Variants in CFAP54 observed in about 807,000 individuals in gnomAD.
CFAP54 encodes cilia- and flagella-associated protein 54.
Under a neutral mutation model 370.4 loss-of-function variants are expected in CFAP54, and 290 were observed. The ratio of observed to expected loss-of-function variants is 0.78; its 90% CI spans 0.71 to 0.86. CFAP54 has a LOEUF of 0.86. CFAP54 is among the 40% of genes least tolerant of loss of function. The pLI, the probability that CFAP54 is intolerant of heterozygous loss-of-function variation, is 0.00. For synonymous variants in CFAP54, 1,206 were observed against 1,236.5 expected (o/e 0.98, Z 0.52); for missense variants, 3,399 against 3,528.7 (o/e 0.96, Z 0.93).
chr12:96,724,833 A>G lies in CFAP54; in HGVS notation c.6965+4268A>G, dbSNP rs1957809792. On this transcript the variant is annotated intron_variant, in intron 50 of 67. Transcript: ENST00000524981. ...GGTCTAACGTTTAAGTCTTTAATCC[A>G]TCTTGAATTAATTTTTGTATAAGGT... Among the ~76,000 whole-genome samples, 3 of 152,152 alleles carry G rather than the reference A, an allele frequency of 2.0e-5. No individual in the cohort carries two copies. The South Asian group carries it at 6.2e-4, about 32-fold the overall frequency.
intron 15 of CFAP54, among the ~76,000 whole-genome samples, chr12:96,550,651 A>AC (rs1456413363): frequency 1.3e-5 from 2 of 152,244 alleles, no homozygotes; most frequent in African/African-American, 4.8e-5. Flanking sequence ...GATGAGCTGA[A>AC]CATCCTCCTG....
intron 1 of CFAP54, among the ~76,000 whole-genome samples, chr12:96,490,548 T>C (rs1275557173): frequency 1.3e-5 from 2 of 152,032 alleles, no homozygotes; most frequent in Non-Finnish European, 2.9e-5. Context: ...GAAAATTAGC[T>C]GGGCATGGTG....
rs137930927 is a variant in CFAP54, at chr12:96,634,390, T to C, written c.4316+3739T>C. Among the ~76,000 whole-genome samples the C allele has an allele frequency of 2.8e-3, 433 of 152,278 alleles. 1 individual carries two copies. The highest frequency in any genetic ancestry group is 4.1e-3 in the Non-Finnish European group (276 of 68,020). On this transcript the variant is annotated intron_variant, in intron 32 of 67. Coordinates refer to ENST00000524981, the MANE Select transcript of CFAP54 (RefSeq NM_001306084.2). ...TATATGCTTACTTGCCATCTGTATA[T>C]CCTCTTTAGTGAAATATCTGTTTAT... is the stretch of plus-strand genomic sequence containing the variant.
chr12:96,837,227 G>A (rs1959189045), intron 66 of CFAP54, among the ~76,000 whole-genome samples: 1 of 152,114 alleles, frequency 6.6e-6, no homozygotes, highest in African/African-American at 2.4e-5. Flanking sequence ...TTAGGCATTT[G>A]CACCTTTAAT....
At chr12:96,627,134 A>T (rs1057364452) in intron 30 of CFAP54, among the ~76,000 whole-genome samples, 195 bp downstream of exon 30, 6 of 152,214 alleles carry the variant, frequency 3.9e-5, no homozygotes, top group African/African-American at 1.4e-4. Flanking sequence ...ATGTACTCAC[A>T]AATGAGAATA....
intron 23 of CFAP54, among the ~76,000 whole-genome samples, chr12:96,590,997 T>C (rs188193187): frequency 6.6e-6 from 1 of 152,152 alleles, no homozygotes. Flanking sequence ...GAAACGACTG[T>C]TTAACAGAAA....
chr12:96,743,661 T>G (rs1396885050), intron 53 of CFAP54, 70 bp from the exon 54 acceptor site: 7 of 1,560,058 alleles, frequency 4.5e-6, no homozygotes, highest in Admixed American at 1.8e-5. Flanking sequence ...GCATAACAAT[T>G]AACATGTCCA....
rs148305473 is a variant in CFAP54, at chr12:96,682,203, G to A, written c.5717-2445G>A. 129 of 985,640 alleles carry A rather than the reference G, an allele frequency of 1.3e-4. No individual in the cohort carries two copies. In the African/African-American group the frequency reaches 2.2e-3, roughly 17 times the overall value. The allele number at this position is 985,640 out of a possible 1,614,324, so 61.1% of individuals were successfully genotyped here. On this transcript the variant is annotated intron_variant, in intron 40 of 67. Coordinates refer to ENST00000524981, the MANE Select transcript of CFAP54 (RefSeq NM_001306084.2). The stretch of plus-strand genomic sequence containing the variant: ...CTGGAAAGGTGGAATTTTGCCTGGG[G>A]ACAGAGGAGATGCATATGTCAATAC...
At chr12:96,823,417 C>G (rs549091235) in intron 65 of CFAP54, among the ~76,000 whole-genome samples, 2 of 152,236 alleles carry the variant, frequency 1.3e-5, no homozygotes, top group East Asian at 3.9e-4. Context: ...TGTGAAACTT[C>G]TAGTTGGAGA....
intron 65 of CFAP54, among the ~76,000 whole-genome samples, chr12:96,824,547 A>G (rs1429495603): frequency 6.6e-6 from 1 of 152,128 alleles, no homozygotes; most frequent in Admixed American, 6.5e-5. Flanking sequence ...AAATACAGAT[A>G]AATAAGGGGT....
intron 47 of CFAP54, 58 bp downstream of exon 47, chr12:96,704,854 C>A: frequency 3.3e-6 from 2 of 603,790 alleles, no homozygotes; most frequent in Admixed American, 3.4e-5. Context: ...ATTTTTGAGT[C>A]ATTCTAATCT....
chr12:96,851,586 G>T (rs1959548782), intron 66 of CFAP54, among the ~76,000 whole-genome samples: 1 of 151,912 alleles, frequency 6.6e-6, no homozygotes, highest in Non-Finnish European at 1.5e-5. Context: ...AGAACTAAGA[G>T]AATCTGATAA....
chr12:96,520,623 A>G (rs925650563), intron 6 of CFAP54, among the ~76,000 whole-genome samples: 18 of 152,170 alleles, frequency 1.2e-4, no homozygotes, highest in African/African-American at 4.3e-4. Flanking sequence ...ACATTATGTG[A>G]CACCTGGCTT....
intron 25 of CFAP54, among the ~76,000 whole-genome samples, chr12:96,594,791 TG>T (rs920067580): frequency 4.6e-5 from 7 of 152,260 alleles, no homozygotes; most frequent in African/African-American, 1.7e-4. Flanking sequence ...ATCCATCATC[TG>T]GAGAAAAACA....
intron 50 of CFAP54, among the ~76,000 whole-genome samples, chr12:96,739,067 CA>C (rs1487633890): frequency 1.3e-5 from 2 of 152,114 alleles, no homozygotes; most frequent in Admixed American, 1.3e-4. Context: ...TTTGGGGAGA[CA>C]AAATTCAACT....
intron 32 of CFAP54, among the ~76,000 whole-genome samples, chr12:96,637,391 A>T (rs1012545229): frequency 2.0e-5 from 3 of 152,120 alleles, no homozygotes; most frequent in South Asian, 4.1e-4. Flanking sequence ...ACATATTTTC[A>T]TTTCTCTTGG....
intron 36 of CFAP54, among the ~76,000 whole-genome samples, chr12:96,655,120 A>G (rs1413930756): frequency 1.3e-5 from 2 of 152,090 alleles, no homozygotes; most frequent in African/African-American, 2.4e-5. Context: ...TTAGGAGAGT[A>G]TGATACTGAC....
At chr12:96,736,188 C>G (rs1024509969) in intron 50 of CFAP54, among the ~76,000 whole-genome samples, 5 of 152,184 alleles carry the variant, frequency 3.3e-5, no homozygotes, top group Non-Finnish European at 7.3e-5. Flanking sequence ...AGAGCAAAGG[C>G]TTGAGTGCTC....
intron 55 of CFAP54, among the ~76,000 whole-genome samples, chr12:96,746,334 G>A (rs1958114090): frequency 6.6e-6 from 1 of 152,152 alleles, no homozygotes; most frequent in Non-Finnish European, 1.5e-5. Flanking sequence ...CTTAAGGGTA[G>A]AGTCTGCTCT....
Sources: allele counts gnomAD v4.1 joint callset (sites outside exome capture counted in the v4.1 genomes callset), GRCh38; gene constraint gnomAD v4.1.1; transcripts MANE v1.5; gene names NCBI Gene and HGNC (gene_info 2026-07-23, HGNC 2026-07-21).